ROBO2: variants seen among roughly 807,000 people sequenced by gnomAD.
ROBO2 encodes roundabout homolog 2.
In ROBO2, 53 loss-of-function variants were observed where a neutral mutation model predicts 160.8. The ratio of observed to expected loss-of-function variants is 0.33; its 90% confidence interval spans 0.26 to 0.41. The LOEUF (loss-of-function observed/expected upper bound fraction) is 0.41. Among genes scored for constraint, ROBO2 ranks in the 10% least tolerant of loss-of-function variants. The probability of loss-of-function intolerance (pLI) is 1.00; values close to 1 mark genes in which losing one functional copy is unlikely to be tolerated. For synonymous variants in ROBO2, 664 were observed against 611.7 expected (o/e 1.09, Z -1.26); for missense variants, 1,577 against 1,722.4 (o/e 0.92, Z 1.49).
intron 2 of ROBO2, among the ~76,000 whole-genome samples, chr3:77,370,467 C>G (rs1242815953): frequency 6.6e-6 from 1 of 152,160 alleles, no homozygotes; most frequent in East Asian, 1.9e-4. Context: ...CTCTCTCATT[C>G]TTTTTCTGGT....
At chr3:75,941,877 T>G (rs1948070919) in intron 2 of ROBO2, among the ~76,000 whole-genome samples, 1 of 152,272 alleles carries the variant, frequency 6.6e-6, no homozygotes, top group Middle Eastern at 3.4e-3. Context: ...CAATATCTTG[T>G]GTTTTGTATT....
chr3:77,560,209 G>C (rs76284845), intron 9 of ROBO2, among the ~76,000 whole-genome samples: 4,090 of 152,166 alleles, frequency 0.027, 128 homozygotes, highest in East Asian at 0.13. Context: ...TGAGATGCCA[G>C]CTCCTTGGGG....
chr3:76,000,741 C>T (rs1055792687), intron 2 of ROBO2, among the ~76,000 whole-genome samples: 96 of 151,990 alleles, frequency 6.3e-4, no homozygotes, highest in African/African-American at 1.6e-3. Flanking sequence ...CCACCTGCCT[C>T]GGCCTCCCAA....
At chr3:77,394,239 T>G (rs764588463) in intron 2 of ROBO2, among the ~76,000 whole-genome samples, 1 of 152,170 alleles carries the variant, frequency 6.6e-6, no homozygotes, top group South Asian at 2.1e-4. Flanking sequence ...CTTGGGGACC[T>G]TGTTAGATGC....
intron 2 of ROBO2, among the ~76,000 whole-genome samples, chr3:77,291,252 T>G (rs112784575): frequency 6.6e-6 from 1 of 151,114 alleles, no homozygotes; most frequent in African/African-American, 2.4e-5. Context: ...AAATTGACGG[T>G]TAAACGGGTA....
intron 1 of ROBO2, among the ~76,000 whole-genome samples, chr3:77,049,190 C>A (rs1356629604): frequency 6.6e-6 from 1 of 151,920 alleles, no homozygotes; most frequent in Non-Finnish European, 1.5e-5. Context: ...GTTAGCTGGG[C>A]ATGGTGGTGT....
chr3:75,996,959 A>T (rs868261904), intron 2 of ROBO2, among the ~76,000 whole-genome samples: 1 of 152,184 alleles, frequency 6.6e-6, no homozygotes, highest in Non-Finnish European at 1.5e-5. Context: ...TTCTTTTAGG[A>T]TACTATTTCA....
chr3:76,911,188 C>A (rs1577417312), intron 2 of ROBO2, among the ~76,000 whole-genome samples: 1 of 152,270 alleles, frequency 6.6e-6, no homozygotes, highest in Non-Finnish European at 1.5e-5. Flanking sequence ...ACACAACAAA[C>A]TCCTTTCCAA....
chr3:77,634,946 G>A (rs370403984), exon 24 of ROBO2: 10 of 1,614,024 alleles, frequency 6.2e-6, no homozygotes, highest in Non-Finnish European at 7.6e-6. Flanking sequence ...GTGCAGCCCT[G>A]AGTCAAAGTC....
At chr3:77,408,458 T>C (rs1301519560) in intron 2 of ROBO2, among the ~76,000 whole-genome samples, 1 of 152,190 alleles carries the variant, frequency 6.6e-6, no homozygotes, top group African/African-American at 2.4e-5. Flanking sequence ...TTCATTAGGA[T>C]GTGAAGACTT....
intron 2 of ROBO2, among the ~76,000 whole-genome samples, chr3:76,612,943 C>G (rs1404986231): frequency 6.6e-6 from 1 of 151,962 alleles, no homozygotes; most frequent in Admixed American, 6.6e-5. Context: ...CTTTTGCTAT[C>G]CTTTTATTTT....
At chr3:75,914,131 T>A (rs1168536113) in intron 1 of ROBO2, among the ~76,000 whole-genome samples, 1 of 152,210 alleles carries the variant, frequency 6.6e-6, no homozygotes, top group East Asian at 1.9e-4. Flanking sequence ...CTTAAAATTA[T>A]ATTGTAAATG....
At chr3:76,231,152 C>T (rs1290338354) in intron 2 of ROBO2, among the ~76,000 whole-genome samples, 1 of 152,132 alleles carries the variant, frequency 6.6e-6, no homozygotes, top group African/African-American at 2.4e-5. Flanking sequence ...TAGGACAACC[C>T]TAGGATGTTA....
chr3:76,474,785 C>A (rs1415420851), intron 2 of ROBO2, among the ~76,000 whole-genome samples: 2 of 152,114 alleles, frequency 1.3e-5, no homozygotes, highest in Non-Finnish European at 2.9e-5. Flanking sequence ...CCACAGGTAT[C>A]AGCTGGGCTC....
chr3:76,358,738 T>G (rs563842268), intron 2 of ROBO2, among the ~76,000 whole-genome samples: 1 of 152,070 alleles, frequency 6.6e-6, no homozygotes, highest in African/African-American at 2.4e-5. Context: ...GAATTTGAAG[T>G]TTAAGATGAA....
chr3:76,072,914 A>G (rs2068510647), intron 2 of ROBO2, among the ~76,000 whole-genome samples: 1 of 152,242 alleles, frequency 6.6e-6, no homozygotes, highest in Admixed American at 6.5e-5. Flanking sequence ...CATTTGTCAA[A>G]TGAAATCAAT....
chr3:76,581,207 A>G (rs2085680381), intron 2 of ROBO2, among the ~76,000 whole-genome samples: 1 of 152,190 alleles, frequency 6.6e-6, no homozygotes, highest in Non-Finnish European at 1.5e-5. Context: ...GCTGATTTGT[A>G]TAGTATAAGT....
chr3:77,224,054 C>G (rs938893129), intron 2 of ROBO2, among the ~76,000 whole-genome samples: 2 of 151,962 alleles, frequency 1.3e-5, no homozygotes, highest in South Asian at 4.1e-4. Context: ...GTCTGTGCCA[C>G]TTCTATGTTT....
chr3:75,924,849 A>C (rs1314042634), intron 1 of ROBO2, among the ~76,000 whole-genome samples: 1 of 150,556 alleles, frequency 6.6e-6, no homozygotes, highest in African/African-American at 2.4e-5. Flanking sequence ...CCACCACGCC[A>C]GGCTTATTTT....
Sources: allele counts gnomAD v4.1 joint callset (sites outside exome capture counted in the v4.1 genomes callset), GRCh38; gene constraint gnomAD v4.1.1; transcripts MANE v1.5; gene names NCBI Gene and HGNC (gene_info 2026-07-23, HGNC 2026-07-21).